HS6ST1: variants seen among roughly 807,000 people sequenced by gnomAD.
HS6ST1 encodes the protein heparan-sulfate 6-O-sulfotransferase 1.
Under a neutral mutation model 25.2 loss-of-function variants are expected in HS6ST1, and 3 were observed. The observed-to-expected ratio is 0.12, with a 90% CI of 0.05 to 0.31. HS6ST1 has a LOEUF of 0.31. Ranked by LOEUF, HS6ST1 falls within the 10% of genes least tolerant of loss-of-function variation. The pLI is 1.00. For synonymous variants in HS6ST1, 204 were observed against 275.1 expected, an observed-to-expected ratio of 0.74 and a Z score of 2.56; for missense variants, 310 against 609.6, an observed-to-expected ratio of 0.51 and a Z score of 5.18.
intron 1 of HS6ST1, among the ~76,000 whole-genome samples, chr2:128,270,279 C>T (rs1204727056): frequency 6.6e-6 from 1 of 152,208 alleles, no homozygotes; most frequent in African/African-American, 2.4e-5. Flanking sequence ...CAGGACTGAG[C>T]TGACGACCCC....
chr2:128,298,901 G>A (rs1265920162), intron 1 of HS6ST1, among the ~76,000 whole-genome samples: 3 of 152,236 alleles, frequency 2.0e-5, no homozygotes, highest in Non-Finnish European at 4.4e-5. Flanking sequence ...TTCTCAGGAG[G>A]GAAAGCAGCA....
intron 1 of HS6ST1, among the ~76,000 whole-genome samples, chr2:128,273,393 T>C (rs558363790): frequency 6.6e-5 from 10 of 152,350 alleles, no homozygotes; most frequent in Middle Eastern, 3.4e-3. Flanking sequence ...CAGCCAAATG[T>C]GGGTGTTCCT....
intron 1 of HS6ST1, 118 bp downstream of exon 1, chr2:128,317,919 G>GC: frequency 8.1e-7 from 1 of 1,230,064 alleles, no homozygotes; most frequent in Non-Finnish European, 1.0e-6. Context: ...GCGAGTGGGG[G>GC]CCCCCAAGAG....
chr2:128,297,559 G>A (rs1051935850), intron 1 of HS6ST1, among the ~76,000 whole-genome samples: 3 of 152,224 alleles, frequency 2.0e-5, no homozygotes, highest in Non-Finnish European at 2.9e-5. Flanking sequence ...TGGGCATGGT[G>A]GCTTATGCCT....
At chr2:128,286,597 GT>G (rs1159472870) in intron 1 of HS6ST1, among the ~76,000 whole-genome samples, 11 of 152,368 alleles carry the variant, frequency 7.2e-5, no homozygotes, top group Non-Finnish European at 1.2e-4. Context: ...TGAGTTCATG[GT>G]TTCAAGGACA....
chr2:128,282,952 C>A (rs1423793119), intron 1 of HS6ST1, among the ~76,000 whole-genome samples: 1 of 152,212 alleles, frequency 6.6e-6, no homozygotes, highest in African/African-American at 2.4e-5. Flanking sequence ...ACCAGACACC[C>A]TGGGGAGGGG....
At chr2:128,315,971 C>T (rs920976906) in intron 1 of HS6ST1, among the ~76,000 whole-genome samples, 1 of 152,180 alleles carries the variant, frequency 6.6e-6, no homozygotes, top group Non-Finnish European at 1.5e-5. Flanking sequence ...TCCTGACGGC[C>T]CTGGAAGCCC....
intron 1 of HS6ST1, among the ~76,000 whole-genome samples, chr2:128,315,376 G>C (rs946574603): frequency 3.9e-5 from 6 of 152,142 alleles, no homozygotes; most frequent in African/African-American, 1.4e-4. Context: ...CCTCTCTTAC[G>C]CGCACCACAG....
At chr2:128,286,528 G>A (rs1483604281) in intron 1 of HS6ST1, among the ~76,000 whole-genome samples, 1 of 152,228 alleles carries the variant, frequency 6.6e-6, no homozygotes, top group Non-Finnish European at 1.5e-5. Flanking sequence ...CTGGGAGCTT[G>A]CACTGCACGC....
intron 1 of HS6ST1, among the ~76,000 whole-genome samples, chr2:128,311,686 T>A (rs1459729105): frequency 2.6e-5 from 4 of 152,128 alleles, no homozygotes; most frequent in Non-Finnish European, 5.9e-5. Flanking sequence ...TTGGGGAGAC[T>A]CCTGGGTTTC....
intron 1 of HS6ST1, among the ~76,000 whole-genome samples, chr2:128,301,238 G>T (rs1427740106): frequency 6.6e-6 from 1 of 151,868 alleles, no homozygotes; most frequent in Non-Finnish European, 1.5e-5. Context: ...CGTAGCTCTA[G>T]CCACCCCTCT....
chr2:128,279,882 C>T (rs924922149), intron 1 of HS6ST1, among the ~76,000 whole-genome samples: 6 of 152,204 alleles, frequency 3.9e-5, no homozygotes, highest in Admixed American at 2.0e-4. Flanking sequence ...CGCGTGAGCA[C>T]CCGGCCACAC....
intron 1 of HS6ST1, among the ~76,000 whole-genome samples, chr2:128,309,573 T>G (rs1166239556): frequency 6.6e-6 from 1 of 152,258 alleles, no homozygotes; most frequent in African/African-American, 2.4e-5. Flanking sequence ...CTCTGTGGCC[T>G]TCAAAGCTTC....
intron 1 of HS6ST1, among the ~76,000 whole-genome samples, chr2:128,317,418 G>A (rs1694388298): frequency 6.6e-6 from 1 of 152,224 alleles, no homozygotes; most frequent in South Asian, 2.1e-4. Context: ...CGGCTGGCAG[G>A]CCCCACTGGG....
rs997312924 is a variant in HS6ST1 at position 128,318,052 on chromosome 2, G to A, written c.512C>T (p.Ala171Val). 10 of 1,521,388 alleles carry A rather than the reference G, an allele frequency of 6.6e-6. No homozygotes were observed. The highest frequency in any genetic ancestry group is 7.9e-6 in the Non-Finnish European group (9 of 1,140,056). The allele number at this position is 1,521,388 out of a possible 1,614,324, so 94.2% of individuals were successfully genotyped here. The stretch of plus-strand genomic sequence containing the variant: ...GGGCGCTCACCTGGGCGTGCGCAGC[G>A]CGGCGGAGTCGCGGCGGTCCAGCAC... ...PGVLDRRDSA[A>V]LRTPRKFYYI... The change falls in exon 1 of 2, where the codon GCG becomes GTG. Residue 171 changes from alanine (A) to valine (V), a missense_variant. Physicochemically the swap from Ala to Val is moderately conservative, Grantham distance 64. Transcript: ENST00000259241. This position sits in a 1 kb window ranked among gnomAD's most constrained non-coding sequence, Gnocchi z 5.7.
intron 1 of HS6ST1, among the ~76,000 whole-genome samples, chr2:128,287,719 C>T (rs184441921): frequency 1.8e-3 from 274 of 152,274 alleles, no homozygotes; most frequent in Admixed American, 3.7e-3. Context: ...GTGAGCAGCC[C>T]GGGCCCAGAT....
chr2:128,293,459 CTG>C (rs1398150965), intron 1 of HS6ST1, among the ~76,000 whole-genome samples: 4 of 152,368 alleles, frequency 2.6e-5, no homozygotes, highest in Admixed American at 2.6e-4. Flanking sequence ...CTTGCAAACA[CTG>C]GGGTGGCTCC....
At chr2:128,302,560 T>A (rs1025115018) in intron 1 of HS6ST1, among the ~76,000 whole-genome samples, 2 of 152,108 alleles carry the variant, frequency 1.3e-5, no homozygotes, top group African/African-American at 4.8e-5. Flanking sequence ...TGCACGCAGG[T>A]GCTGGTGACT....
intron 1 of HS6ST1, among the ~76,000 whole-genome samples, chr2:128,306,990 C>T (rs6742308): frequency 0.021 from 3,246 of 151,892 alleles, 125 homozygotes; most frequent in African/African-American, 0.075. Context: ...GGCAGGCTTC[C>T]CTCTGGGAAA....
Sources: allele counts gnomAD v4.1 joint callset (sites outside exome capture counted in the v4.1 genomes callset), GRCh38; gene constraint gnomAD v4.1.1; non-coding constraint Gnocchi (gnomAD v3.1); transcripts MANE v1.5; gene names NCBI Gene and HGNC (gene_info 2026-07-23, HGNC 2026-07-21).